CNTN3: variants seen among roughly 807,000 people sequenced by gnomAD.
CNTN3 encodes contactin 3, also known as contactin-3.
Under a neutral mutation model 119.1 loss-of-function variants are expected in CNTN3, and 60 were observed. The observed-to-expected ratio is 0.50, with a 90% CI of 0.41 to 0.62. CNTN3 has a LOEUF of 0.62. Among genes scored for constraint, CNTN3 ranks in the 20% least tolerant of loss-of-function variants. The pLI, the probability that CNTN3 is intolerant of heterozygous loss-of-function variation, is 0.00. For synonymous variants in CNTN3, 450 were observed against 438.7 expected, an observed-to-expected ratio of 1.03 and a Z score of -0.32; for missense variants, 1,101 against 1,242.4, an observed-to-expected ratio of 0.89 and a Z score of 1.71.
chr3:74,325,119 CA>C (rs111394338), intron 13 of CNTN3, among the ~76,000 whole-genome samples: 14,275 of 142,524 alleles, frequency 0.1, 1,689 homozygotes, highest in African/African-American at 0.29. Context: ...TTGTCTTTGG[CA>C]AAAAAAAAAA....
At chr3:74,603,769 G>A (rs908175491) in intron 1 of CNTN3, among the ~76,000 whole-genome samples, 1 of 151,788 alleles carries the variant, frequency 6.6e-6, no homozygotes, top group African/African-American at 2.4e-5. Context: ...TTCAGTGCAA[G>A]TCCTAACAAA....
intron 1 of CNTN3, among the ~76,000 whole-genome samples, chr3:74,576,492 ACAAG>A (rs1276512082): frequency 6.6e-6 from 1 of 152,206 alleles, no homozygotes; most frequent in Non-Finnish European, 1.5e-5. Context: ...TAACCTGGAC[ACAAG>A]CAAGGAAGAA....
intron 19 of CNTN3, among the ~76,000 whole-genome samples, chr3:74,286,955 A>G (rs1384433559): frequency 6.6e-6 from 1 of 152,198 alleles, no homozygotes; most frequent in Non-Finnish European, 1.5e-5. Flanking sequence ...AGGTGGATTC[A>G]CACACCTGAG....
At chr3:74,321,683 T>C (rs1178746951) in intron 13 of CNTN3, among the ~76,000 whole-genome samples, 3 of 151,974 alleles carry the variant, frequency 2.0e-5, no homozygotes, top group Non-Finnish European at 4.4e-5. Flanking sequence ...AAGACACAAA[T>C]AACTAGTATC....
intron 5 of CNTN3, among the ~76,000 whole-genome samples, chr3:74,423,264 G>C (rs1268831209): frequency 6.6e-6 from 1 of 152,206 alleles, no homozygotes; most frequent in Non-Finnish European, 1.5e-5. Context: ...ATTCAACTGG[G>C]AAGAGAAAGA....
At chr3:74,574,312 C>T (rs1704380337) in intron 1 of CNTN3, among the ~76,000 whole-genome samples, 1 of 152,064 alleles carries the variant, frequency 6.6e-6, no homozygotes, top group South Asian at 2.1e-4. Flanking sequence ...GGAGTGATTG[C>T]TAATGGGTAT....
At chr3:74,545,669 C>T (rs141303150) in intron 1 of CNTN3, among the ~76,000 whole-genome samples, 256 of 152,290 alleles carry the variant, frequency 1.7e-3, no homozygotes, top group African/African-American at 5.5e-3. Context: ...ACAGGATAAT[C>T]TTTAAATATG....
chr3:74,555,649 A>G (rs1306374573), intron 1 of CNTN3, among the ~76,000 whole-genome samples: 3 of 152,162 alleles, frequency 2.0e-5, no homozygotes, highest in Non-Finnish European at 4.4e-5. Flanking sequence ...GGGAGGACAT[A>G]TGTGTCCAGG....
intron 13 of CNTN3, among the ~76,000 whole-genome samples, chr3:74,325,225 T>C (rs1005072146): frequency 2.0e-5 from 3 of 152,194 alleles, no homozygotes; most frequent in African/African-American, 7.2e-5. Flanking sequence ...TAAATTAATA[T>C]CCTATACAAT....
At chr3:74,577,627 G>T (rs146805346) in intron 1 of CNTN3, among the ~76,000 whole-genome samples, 1 of 151,906 alleles carries the variant, frequency 6.6e-6, no homozygotes, top group East Asian at 1.9e-4. Flanking sequence ...AGCCATATCC[G>T]TTCTTGATTA....
At chr3:74,456,431 G>C (rs1190905084) in intron 4 of CNTN3, among the ~76,000 whole-genome samples, 1 of 151,926 alleles carries the variant, frequency 6.6e-6, no homozygotes, top group African/African-American at 2.4e-5. Flanking sequence ...CAACACATTA[G>C]GATTATGTTG....
chr3:74,460,870 C>T (rs1299690620), intron 4 of CNTN3, among the ~76,000 whole-genome samples: 2 of 131,532 alleles, frequency 1.5e-5, no homozygotes, highest in African/African-American at 5.8e-5. Context: ...CTAGAATTTC[C>T]AGTACTATCT....
chr3:74,328,025 C>T (rs1703172117), intron 13 of CNTN3, among the ~76,000 whole-genome samples: 1 of 151,266 alleles, frequency 6.6e-6, no homozygotes, highest in Admixed American at 6.6e-5. Context: ...TGTTCTTTCT[C>T]CTTCATGTAC....
At chr3:74,315,784 C>A (rs1575719526) in intron 13 of CNTN3, among the ~76,000 whole-genome samples, 2 of 152,172 alleles carry the variant, frequency 1.3e-5, no homozygotes, top group South Asian at 4.2e-4. Flanking sequence ...CTGGACCCTT[C>A]CCTATCACCA....
rs143206573 is a variant in CNTN3, at chr3:74,456,986, A to G, written c.358+29470T>C. Among the ~76,000 whole-genome samples the G allele has an allele frequency of 2.0e-3, 311 of 152,186 alleles. 1 individual carries two copies. The highest frequency in any genetic ancestry group is 7.1e-3 in the African/African-American group (295 of 41,554). On this transcript the variant is annotated intron_variant, in intron 4 of 22. Transcript: ENST00000263665. ...ATAATTCAAACGGCCAATAAACACA[A>G]AATTCTAAAAGTTCTTTCACAAATA...
At chr3:74,518,293 T>C (rs896774164) in intron 2 of CNTN3, among the ~76,000 whole-genome samples, 2 of 151,930 alleles carry the variant, frequency 1.3e-5, no homozygotes, top group Non-Finnish European at 2.9e-5. Context: ...TGATAAACTG[T>C]CAAGATTTAA....
At chr3:74,364,030 C>T (rs1704134580) in intron 10 of CNTN3, among the ~76,000 whole-genome samples, 1 of 152,070 alleles carries the variant, frequency 6.6e-6, no homozygotes, top group Admixed American at 6.6e-5. Flanking sequence ...CAATGAAAGC[C>T]TCAAGGTATC....
chr3:74,458,300 G>A (rs2106966237), intron 4 of CNTN3, among the ~76,000 whole-genome samples: 1 of 152,082 alleles, frequency 6.6e-6, no homozygotes, highest in Non-Finnish European at 1.5e-5. Flanking sequence ...TGGGGCTAAT[G>A]GTTTCAGGAG....
chr3:74,527,816 G>A (rs1001773418), intron 1 of CNTN3, among the ~76,000 whole-genome samples: 4 of 151,868 alleles, frequency 2.6e-5, no homozygotes, highest in Admixed American at 2.0e-4. Context: ...CAATAATGTC[G>A]CTTGTAGCAT....
Sources: gnomAD v4.1 joint callset for allele counts (sites outside exome capture counted in the v4.1 genomes callset) on GRCh38, gnomAD v4.1.1 for gene constraint, MANE v1.5 for transcripts, NCBI Gene and HGNC (gene_info 2026-07-23, HGNC 2026-07-21) for gene names.